The following NAV3 variants were observed in gnomAD, a reference collection of about 807,000 sequenced individuals.
NAV3 encodes the protein pore membrane and/or filament interacting like protein 1.
In NAV3, 87 loss-of-function variants were observed where a neutral mutation model predicts 244.7. That is an observed-to-expected ratio of 0.36 (90% confidence interval 0.30 to 0.42). NAV3 has a LOEUF of 0.42. Ranked by LOEUF, NAV3 falls within the 20% of genes least tolerant of loss-of-function variation. The pLI, the probability that NAV3 is intolerant of heterozygous loss-of-function variation, is 1.00. For synonymous variants in NAV3, 1,126 were observed against 1,042.2 expected (o/e 1.08, Z -1.55); for missense variants, 2,663 against 2,893.3 (o/e 0.92, Z 1.83).
chr12:77,865,151 C>T (rs187956262), intron 1 of NAV3, among the ~76,000 whole-genome samples: 10 of 152,144 alleles, frequency 6.6e-5, no homozygotes, highest in African/African-American at 1.4e-4. Context: ...ATGTTTATTA[C>T]GTTAGCTTCA....
At chr12:77,656,851 A>G (rs1049032834) in intron 2 of NAV3, among the ~76,000 whole-genome samples, 2 of 152,022 alleles carry the variant, frequency 1.3e-5, no homozygotes, top group African/African-American at 4.8e-5. Flanking sequence ...CCTGCTCCTG[A>G]ATGACTACTG....
intron 2 of NAV3, among the ~76,000 whole-genome samples, chr12:77,801,865 C>T (rs1455886602): frequency 6.6e-6 from 1 of 152,102 alleles, no homozygotes; most frequent in Non-Finnish European, 1.5e-5. Context: ...TTAATGATTT[C>T]TAAACAAAAT....
At chr12:77,960,713 T>C (rs1399058704) in intron 3 of NAV3, among the ~76,000 whole-genome samples, 1 of 147,578 alleles carries the variant, frequency 6.8e-6, no homozygotes, top group East Asian at 2.0e-4. Context: ...ATATGCTATA[T>C]ATTATATATC....
chr12:78,108,714 G>A (rs567837206), intron 12 of NAV3, among the ~76,000 whole-genome samples: 1 of 151,976 alleles, frequency 6.6e-6, no homozygotes, highest in Non-Finnish European at 1.5e-5. Flanking sequence ...TGATCACTGG[G>A]ACAATAAGGA....
At chr12:77,912,453 T>G (rs1311747838) in intron 1 of NAV3, among the ~76,000 whole-genome samples, 1 of 152,142 alleles carries the variant, frequency 6.6e-6, no homozygotes, top group African/African-American at 2.4e-5. Flanking sequence ...GTGAAAATGC[T>G]CACAGATGAA....
At chr12:78,182,321 G>C (rs1958532378) in intron 30 of NAV3, among the ~76,000 whole-genome samples, 1 of 152,042 alleles carries the variant, frequency 6.6e-6, no homozygotes, top group Non-Finnish European at 1.5e-5. Flanking sequence ...ATGTTGGCTT[G>C]TTGCTGATGG....
At chr12:77,913,127 A>G (rs192090152) in intron 1 of NAV3, among the ~76,000 whole-genome samples, 2 of 152,156 alleles carry the variant, frequency 1.3e-5, no homozygotes, top group East Asian at 3.9e-4. Flanking sequence ...TTGGCCCCAA[A>G]ACATGGTCTA....
intron 3 of NAV3, among the ~76,000 whole-genome samples, chr12:77,955,233 G>C (rs981008057): frequency 1.3e-4 from 20 of 152,156 alleles, no homozygotes; most frequent in African/African-American, 4.8e-4. Context: ...TGGCTATTCT[G>C]ATCTCTTAAA....
chr12:77,661,050 A>G (rs1873419869), intron 2 of NAV3, among the ~76,000 whole-genome samples: 1 of 152,134 alleles, frequency 6.6e-6, no homozygotes, highest in Non-Finnish European at 1.5e-5. Flanking sequence ...TGCCATAAAT[A>G]CTCACCTTCA....
At chr12:77,618,054 G>A (rs1277533864) in intron 2 of NAV3, among the ~76,000 whole-genome samples, 1 of 152,050 alleles carries the variant, frequency 6.6e-6, no homozygotes, top group Admixed American at 6.6e-5. Context: ...TTGTCTCTCC[G>A]CTTCTTGCCT....
chr12:77,700,279 T>C (rs2137199418), intron 2 of NAV3, among the ~76,000 whole-genome samples: 1 of 152,286 alleles, frequency 6.6e-6, no homozygotes, highest in Admixed American at 6.6e-5. Flanking sequence ...GGAAGGGATC[T>C]GCACCATGTG....
chr12:78,007,266 T>G lies in NAV3; in HGVS notation c.1728T>G (p.Ala576=), dbSNP rs1291625330. The change falls in exon 8 of 40, where the codon GCT becomes GCG. Residue 576 remains alanine (A), a synonymous_variant. Coordinates refer to ENST00000397909, the MANE Select transcript of NAV3 (RefSeq NM_001024383.2). The part of the protein sequence containing the change: ...SKPITMEKAS[A]SSCPAPLEGR... ...CTATAACCATGGAGAAAGCAAGTGC[T>G]TCTAGTTGTCCTGCCCCTTTGGAAG... 6.2e-7 allele frequency: 1 copy of G among 1,614,082 alleles called. No individual in the cohort carries two copies. The highest frequency in any genetic ancestry group is 1.3e-5 in the African/African-American group (1 of 74,936).
chr12:78,020,073 T>A (rs1876893425), intron 8 of NAV3, among the ~76,000 whole-genome samples: 1 of 152,104 alleles, frequency 6.6e-6, no homozygotes, highest in African/African-American at 2.4e-5. Context: ...AGACAAAAAC[T>A]GGAAGAAGAA....
chr12:77,926,734 G>C (rs1476631245), intron 1 of NAV3, among the ~76,000 whole-genome samples: 1 of 152,134 alleles, frequency 6.6e-6, no homozygotes, highest in Admixed American at 6.5e-5. Flanking sequence ...AATAGATCTA[G>C]GATGGGGCCT....
intron 36 of NAV3, 144 bp from the exon 37 acceptor site, chr12:78,199,190 GA>G: frequency 1.3e-6 from 1 of 748,442 alleles, no homozygotes; most frequent in Non-Finnish European, 2.3e-6. Context: ...CTTTGATCAT[GA>G]AAAGGTGGCC....
At chr12:77,899,953 G>C (rs1320955757) in intron 1 of NAV3, among the ~76,000 whole-genome samples, 1 of 152,118 alleles carries the variant, frequency 6.6e-6, no homozygotes, top group East Asian at 1.9e-4. Context: ...GTGAGGCTGA[G>C]GTTTGGGGCA....
chr12:78,144,697 T>C (rs998934407), intron 20 of NAV3, among the ~76,000 whole-genome samples: 1 of 151,590 alleles, frequency 6.6e-6, no homozygotes, highest in Non-Finnish European at 1.5e-5. Context: ...AGTATATTTC[T>C]TGATTATTTT....
chr12:77,841,577 G>T (rs895753851), intron 1 of NAV3, among the ~76,000 whole-genome samples: 1 of 152,114 alleles, frequency 6.6e-6, no homozygotes, highest in Admixed American at 6.6e-5. Context: ...GGCCAAATTT[G>T]GCCTGGTGCC....
chr12:77,672,964 G>T (rs1409155683), intron 2 of NAV3, among the ~76,000 whole-genome samples: 2 of 151,918 alleles, frequency 1.3e-5, no homozygotes, highest in Non-Finnish European at 2.9e-5. Context: ...TTTGCCTTTT[G>T]TTCTTTTTGT....
Sources: gnomAD v4.1 joint callset for allele counts (sites outside exome capture counted in the v4.1 genomes callset) on GRCh38, gnomAD v4.1.1 for gene constraint, MANE v1.5 for transcripts, NCBI Gene and HGNC (gene_info 2026-07-23, HGNC 2026-07-21) for gene names.